The following SUGCT variants were observed in gnomAD, a reference collection of about 807,000 sequenced individuals.
SUGCT encodes succinyl-CoA:glutarate-CoA transferase.
Under a neutral mutation model 55.0 loss-of-function variants are expected in SUGCT, and 41 were observed. The ratio of observed to expected loss-of-function variants is 0.74; its 90% confidence interval spans 0.58 to 0.97. The LOEUF (loss-of-function observed/expected upper bound fraction) is 0.97, where lower values mean the gene tolerates loss of function less well. Ranked by LOEUF, SUGCT falls within the 50% of genes least tolerant of loss-of-function variation. The pLI is 0.00. For missense variants in SUGCT, 568 were observed against 547.8 expected, an observed-to-expected ratio of 1.04 and a Z score of -0.37; for synonymous variants, 187 against 200.4, an observed-to-expected ratio of 0.93 and a Z score of 0.56.
At chr7:40,938,647 T>C in the SUGCT span, among the ~76,000 whole-genome samples, 2 of 152,160 alleles carry the variant, frequency 1.3e-5, no homozygotes, top group Non-Finnish European at 2.9e-5. Flanking sequence ...TATTAGATAT[T>C]AGATGTAATT....
At chr7:40,966,078 C>T in the SUGCT span, 2 of 152,322 alleles carry the variant, frequency 1.3e-5, no homozygotes, top group East Asian at 3.9e-4. Context: ...CCATCACAAT[C>T]ATTCAATAAA....
chr7:40,252,783 G>A (rs2150937699), intron 7 of SUGCT, among the ~76,000 whole-genome samples: 1 of 152,178 alleles, frequency 6.6e-6, no homozygotes. Flanking sequence ...AACTAGCTGG[G>A]ACTATACGCA....
chr7:40,335,944 G>GT (rs1472254779), intron 9 of SUGCT, among the ~76,000 whole-genome samples: 3 of 152,154 alleles, frequency 2.0e-5, no homozygotes, highest in African/African-American at 7.2e-5. Flanking sequence ...TTTATTGAGA[G>GT]TTTGTAACAT....
chr7:40,981,777 A>G, the SUGCT span, among the ~76,000 whole-genome samples: 2 of 152,220 alleles, frequency 1.3e-5, no homozygotes, highest in African/African-American at 4.8e-5. Context: ...TATGACAAAT[A>G]TTGCCTTTCC....
At chr7:40,963,330 T>C in the SUGCT span, among the ~76,000 whole-genome samples, 2 of 152,142 alleles carry the variant, frequency 1.3e-5, no homozygotes, top group African/African-American at 4.8e-5. Flanking sequence ...CCTAATGAGA[T>C]GGAGATAGAT....
intron 12 of SUGCT, among the ~76,000 whole-genome samples, chr7:40,567,410 T>C (rs760070547): frequency 2.0e-5 from 3 of 152,242 alleles, no homozygotes; most frequent in Non-Finnish European, 4.4e-5. Flanking sequence ...CATTAGACTT[T>C]GTTCTTGATT....
intron 11 of SUGCT, among the ~76,000 whole-genome samples, chr7:40,485,624 C>T (rs753559673): frequency 5.3e-4 from 81 of 151,636 alleles, no homozygotes; most frequent in African/African-American, 1.9e-3. Flanking sequence ...ATGGATTTTG[C>T]CAGGCTAGCC....
At chr7:41,030,146 T>A in the SUGCT span, among the ~76,000 whole-genome samples, 3 of 152,246 alleles carry the variant, frequency 2.0e-5, no homozygotes, top group African/African-American at 7.2e-5. Context: ...ACAGTTTTGC[T>A]GTTTGCCTAT....
In SUGCT at chr7:40,274,814, T is replaced by G. The variant is rs373988151; in HGVS notation, c.720+158T>G. On this transcript the variant is annotated intron_variant, in intron 8 of 13. Coordinates refer to ENST00000335693, the MANE Select transcript of SUGCT (RefSeq NM_001193313.2). ...ATTTTGATGTACTTGTTTCTTTTCT[T>G]TTTTGAGATGGAATTTTGCTCTTGT... Among the ~76,000 whole-genome samples the G allele has an allele frequency of 2.6e-4, 40 of 152,300 alleles. 3 individuals carry two copies. In the East Asian group the frequency reaches 2.9e-3, roughly 11 times the overall value.
At chr7:41,032,053 A>G in the SUGCT span, among the ~76,000 whole-genome samples, 12 of 152,256 alleles carry the variant, frequency 7.9e-5, no homozygotes, top group Admixed American at 7.9e-4. Context: ...TGCTTGAAGC[A>G]CATGCTAAAA....
intron 12 of SUGCT, among the ~76,000 whole-genome samples, chr7:40,695,501 C>G (rs556899808): frequency 3.3e-5 from 5 of 152,062 alleles, no homozygotes; most frequent in East Asian, 1.9e-4. Flanking sequence ...CAGCCCAAAC[C>G]CTTATTAAAA....
At chr7:40,935,492 T>G in the SUGCT span, among the ~76,000 whole-genome samples, 21,139 of 152,218 alleles carry the variant, frequency 0.14, 1,587 homozygotes, top group African/African-American at 0.19. Context: ...TTCATATAAA[T>G]AGAATTATAC....
At chr7:40,674,266 G>A (rs1802085112) in intron 12 of SUGCT, among the ~76,000 whole-genome samples, 1 of 152,298 alleles carries the variant, frequency 6.6e-6, no homozygotes, top group Middle Eastern at 3.4e-3. Flanking sequence ...TCATTACCTT[G>A]TAGTGCAAGC....
chr7:40,620,432 C>A (rs1799210871), intron 12 of SUGCT, among the ~76,000 whole-genome samples: 2 of 151,970 alleles, frequency 1.3e-5, no homozygotes, highest in Admixed American at 6.6e-5. Context: ...GAGACAGAGT[C>A]TCGTTCTGTT....
At chr7:40,455,748 T>TA (rs1789451679) in intron 10 of SUGCT, among the ~76,000 whole-genome samples, 1 of 152,254 alleles carries the variant, frequency 6.6e-6, no homozygotes. Flanking sequence ...CAGTAGTTCT[T>TA]ATGCTACAAG....
chr7:41,005,489 G>A, the SUGCT span, among the ~76,000 whole-genome samples: 1 of 152,138 alleles, frequency 6.6e-6, no homozygotes, highest in Non-Finnish European at 1.5e-5. Context: ...CCAGGGTGTG[G>A]TTTCTTTCAG....
chr7:40,606,904 T>A lies in SUGCT; in HGVS notation c.1089+110518T>A, dbSNP rs144586015. Among the ~76,000 whole-genome samples the A allele has an allele frequency of 2.9e-3, 443 of 152,268 alleles. 2 individuals are homozygous for A. The highest frequency in any genetic ancestry group is 9.8e-3 in the African/African-American group (408 of 41,556). On this transcript the variant is annotated intron_variant, in intron 12 of 13. Transcript: ENST00000335693. ...CCTTGGAAAGGGAAAATGCAGAAAG[T>A]TCTAATTTGTTTTGCTTTCGAAGAA...
At chr7:40,454,634 C>T (rs949393274) in intron 10 of SUGCT, among the ~76,000 whole-genome samples, 3 of 152,070 alleles carry the variant, frequency 2.0e-5, no homozygotes, top group Non-Finnish European at 4.4e-5. Flanking sequence ...ATGTATTATC[C>T]ATGGGGAAAC....
At chr7:40,459,062 A>G in intron 10 of SUGCT, 39 bp from the exon 11 acceptor site, 2 of 1,366,190 alleles carry the variant, frequency 1.5e-6, no homozygotes, top group Non-Finnish European at 2.1e-6. Flanking sequence ...TACAAGAACT[A>G]CCTATTTCTT....
Sources: gnomAD v4.1 joint callset for allele counts (sites outside exome capture counted in the v4.1 genomes callset) on GRCh38, gnomAD v4.1.1 for gene constraint, MANE v1.5 for transcripts, NCBI Gene and HGNC (gene_info 2026-07-23, HGNC 2026-07-21) for gene names.